L3MBTL3: variants seen among roughly 807,000 people sequenced by gnomAD.
The protein encoded by L3MBTL3 is lethal(3)malignant brain tumor-like protein 3.
In L3MBTL3, 27 loss-of-function variants were observed where a neutral mutation model predicts 102.3. That is an observed-to-expected ratio of 0.26 (90% CI 0.19 to 0.36). The LOEUF (loss-of-function observed/expected upper bound fraction) is 0.36, where lower values mean the gene tolerates loss of function less well. Ranked by LOEUF, L3MBTL3 falls within the 10% of genes least tolerant of loss-of-function variation. The pLI is 1.00. For synonymous variants in L3MBTL3, 340 were observed against 320.9 expected, an observed-to-expected ratio of 1.06 and a Z score of -0.64; for missense variants, 798 against 955.3, an observed-to-expected ratio of 0.84 and a Z score of 2.17.
chr6:130,078,749 G>A, intron 14 of L3MBTL3, 115 bp downstream of exon 14: 1 of 658,288 alleles, frequency 1.5e-6, no homozygotes, highest in South Asian at 2.0e-5. Flanking sequence ...GCAGTTTTCT[G>A]TCACCACTAC....
At chr6:130,101,066 G>A (rs1480219726) in intron 18 of L3MBTL3, among the ~76,000 whole-genome samples, 1 of 152,156 alleles carries the variant, frequency 6.6e-6, no homozygotes, top group Non-Finnish European at 1.5e-5. Context: ...AACTAAAAAA[G>A]TCCTTAAATT....
intron 15 of L3MBTL3, 62 bp from the exon 16 acceptor site, chr6:130,086,078 T>C (rs1783665984): frequency 9.1e-7 from 1 of 1,102,562 alleles, no homozygotes. Flanking sequence ...TTCTTCTTTG[T>C]AACATCAAGT....
At chr6:130,038,271 T>G (rs1780185632) in intron 2 of L3MBTL3, among the ~76,000 whole-genome samples, 1 of 152,164 alleles carries the variant, frequency 6.6e-6, no homozygotes. Flanking sequence ...TCCTTTCCTT[T>G]GGATATGTAC....
At chr6:130,043,096 G>A (rs1584307269) in intron 3 of L3MBTL3, among the ~76,000 whole-genome samples, 1 of 152,254 alleles carries the variant, frequency 6.6e-6, no homozygotes, top group East Asian at 1.9e-4. Context: ...CTCTTACCGT[G>A]ACAGCCTATA....
In L3MBTL3 at chr6:130,130,713, G is replaced by A. The variant is rs1786950017; in HGVS notation, c.1967-2739G>A. On this transcript the variant is annotated intron_variant, in intron 20 of 22. Transcript: ENST00000361794. The stretch of plus-strand genomic sequence containing the variant: ...ACCTTTGAGGTTGATTGGATGAAAT[G>A]TGGAAAGAGGGATAATGATGGCTTT... Among the ~76,000 whole-genome samples, 3 of 152,208 alleles carry A rather than the reference G, an allele frequency of 2.0e-5. No homozygotes were observed. The South Asian group carries it at 6.2e-4, about 31-fold the overall frequency.
intron 11 of L3MBTL3, among the ~76,000 whole-genome samples, chr6:130,067,527 A>G (rs1782345017): frequency 6.6e-6 from 1 of 152,212 alleles, no homozygotes; most frequent in South Asian, 2.1e-4. Flanking sequence ...GCTTTAATGC[A>G]TTAGCCATCC....
In L3MBTL3 at chr6:130,077,335, T is replaced by C. The variant is rs544529366; in HGVS notation, c.1245-1223T>C. Among the ~76,000 whole-genome samples, 219 of 152,286 alleles carry C rather than the reference T, an allele frequency of 1.4e-3. 4 individuals carry two copies. The highest frequency in any genetic ancestry group is 5.1e-3 in the African/African-American group (211 of 41,574). ...TATTAAAATACCTTTTATGAAAATA[T>C]GTATTGTAAAAAATATAGTGATTGC... On this transcript the variant is annotated intron_variant, in intron 13 of 22. Transcript: ENST00000361794.
intron 14 of L3MBTL3, among the ~76,000 whole-genome samples, chr6:130,083,064 G>A (rs974344920): frequency 2.3e-4 from 35 of 152,238 alleles, no homozygotes; most frequent in Middle Eastern, 3.4e-3. Flanking sequence ...GAGGGCAGGA[G>A]GAAGGAGAAG....
chr6:130,065,726 C>T (rs1005394088), intron 10 of L3MBTL3, among the ~76,000 whole-genome samples: 2 of 152,170 alleles, frequency 1.3e-5, no homozygotes, highest in Non-Finnish European at 2.9e-5. Flanking sequence ...CAACTCAGGT[C>T]TCGTAAGCCT....
intron 10 of L3MBTL3, among the ~76,000 whole-genome samples, chr6:130,065,718 A>C (rs1026348667): frequency 6.6e-6 from 1 of 152,124 alleles, no homozygotes; most frequent in African/African-American, 2.4e-5. Context: ...GTATGATCCA[A>C]CTCAGGTCTC....
chr6:130,020,986 G>GT (rs1472735893), intron 1 of L3MBTL3, among the ~76,000 whole-genome samples: 1 of 151,800 alleles, frequency 6.6e-6, no homozygotes, highest in African/African-American at 2.4e-5. Context: ...AGAATTTGGG[G>GT]TGGGGGGGCG....
intron 9 of L3MBTL3, among the ~76,000 whole-genome samples, chr6:130,059,337 CT>C (rs1781743025): frequency 6.6e-6 from 1 of 152,036 alleles, no homozygotes; most frequent in Non-Finnish European, 1.5e-5. Context: ...TTGGACTTTG[CT>C]TTTTTTGTTT....
At chr6:130,097,135 T>A (rs1402301880) in intron 18 of L3MBTL3, among the ~76,000 whole-genome samples, 4 of 152,232 alleles carry the variant, frequency 2.6e-5, no homozygotes, top group African/African-American at 9.6e-5. Flanking sequence ...TTTACAGCAC[T>A]TAAAGCTCTT....
chr6:130,075,834 C>T (rs1374574288), intron 13 of L3MBTL3, among the ~76,000 whole-genome samples: 1 of 152,154 alleles, frequency 6.6e-6, no homozygotes, highest in Admixed American at 6.6e-5. Context: ...TCTTTTCACT[C>T]AGCCTGGAGA....
intron 8 of L3MBTL3, among the ~76,000 whole-genome samples, chr6:130,056,403 T>C (rs905186024): frequency 6.6e-6 from 1 of 152,168 alleles, no homozygotes; most frequent in Non-Finnish European, 1.5e-5. Context: ...CTCTATCCCC[T>C]TGCCTGCCTC....
chr6:130,122,127 A>G lies in L3MBTL3; in HGVS notation c.1966+1169A>G, dbSNP rs148474189. On this transcript the variant is annotated intron_variant, in intron 20 of 22. Coordinates refer to ENST00000361794, the MANE Select transcript of L3MBTL3 (RefSeq NM_032438.4). Reference sequence around the variant, plus strand: ...ATATAACAATAATTATTTATTTTTTATAAGAAAATGTCAGTCTGATTATGA... The same window carrying G: ...ATATAACAATAATTATTTATTTTTTGTAAGAAAATGTCAGTCTGATTATGA... 2.0e-4 allele frequency among the ~76,000 whole-genome samples: 31 copies of G among 152,344 alleles called. No homozygotes were observed. The East Asian group carries it at 5.6e-3, about 27-fold the overall frequency.
intron 10 of L3MBTL3, among the ~76,000 whole-genome samples, chr6:130,065,675 G>C (rs188923793): frequency 6.6e-6 from 1 of 152,088 alleles, no homozygotes; most frequent in South Asian, 2.1e-4. Flanking sequence ...AAGTCTCAGG[G>C]GCTGAACCCT....
Position 130,068,341 on chromosome 6 carries a change from G to C in L3MBTL3, c.1012G>C (p.Glu338Gln). Residue 338 changes from glutamate (E) to glutamine (Q), a missense_variant, in exon 12 of 23, where the codon GAA (glutamate) becomes CAA (glutamine). Coordinates refer to ENST00000361794, the MANE Select transcript of L3MBTL3 (RefSeq NM_032438.4). ...TGTGCTTACTCTAGGGTATAAAGAA[G>C]AAGAATTCAATTGGCAGACCTATCT... ...KLHPPKGYKE[E>Q]EFNWQTYLKT... The C allele has an allele frequency of 2.5e-6, 4 of 1,584,930 alleles. No homozygotes were observed. Among genetic ancestry groups the C allele is most frequent in the Non-Finnish European group, 3.5e-6 (4 of 1,153,774 alleles).
intron 1 of L3MBTL3, among the ~76,000 whole-genome samples, chr6:130,020,044 G>A (rs1778868622): frequency 6.9e-6 from 1 of 145,774 alleles, no homozygotes; most frequent in Admixed American, 6.8e-5. Flanking sequence ...GAGGGTGGGG[G>A]CGGCGCGGGG....
Sources: allele counts gnomAD v4.1 joint callset (sites outside exome capture counted in the v4.1 genomes callset), GRCh38; gene constraint gnomAD v4.1.1; transcripts MANE v1.5; gene names NCBI Gene and HGNC (gene_info 2026-07-23, HGNC 2026-07-21).